The following STK32B variants were observed in gnomAD, a reference collection of about 807,000 sequenced individuals.
STK32B encodes serine/threonine kinase 32B.
STK32B carries 43 observed loss-of-function variants against 52.6 expected under a neutral mutation model. That is an observed-to-expected ratio of 0.82 (90% CI 0.64 to 1.05). The LOEUF (loss-of-function observed/expected upper bound fraction) is 1.05, where lower values mean the gene tolerates loss of function less well. Among genes scored for constraint, STK32B ranks in the 50% least tolerant of loss-of-function variants. The pLI is 0.00. For synonymous variants in STK32B, 238 were observed against 204.3 expected, an observed-to-expected ratio of 1.17 and a Z score of -1.41; for missense variants, 621 against 534.6, an observed-to-expected ratio of 1.16 and a Z score of -1.59.
intron 1 of STK32B, among the ~76,000 whole-genome samples, chr4:5,116,211 A>G (rs1246649307): frequency 5.3e-5 from 8 of 149,994 alleles, no homozygotes; most frequent in Admixed American, 2.6e-4. Flanking sequence ...CGCACACGGG[A>G]TATTTTCCTA....
chr4:5,334,571 G>A (rs1156298916), intron 4 of STK32B, among the ~76,000 whole-genome samples: 1 of 152,160 alleles, frequency 6.6e-6, no homozygotes, highest in East Asian at 1.9e-4. Flanking sequence ...CAAAGGGAAT[G>A]CTTCCAGTTT....
rs140178739 is a variant in STK32B, at chr4:5,428,173, C to T, written c.562+11239C>T. ...CTGTAATCCCAGCAGTTTGGGAGGC[C>T]GACGCGGGCGGATCACAAGGTCAGG... On this transcript the variant is annotated intron_variant, in intron 6 of 11. Coordinates refer to ENST00000282908, the MANE Select transcript of STK32B (RefSeq NM_018401.3). Among the ~76,000 whole-genome samples the T allele has an allele frequency of 3.7e-3, 566 of 151,992 alleles. 1 individual carries two copies. Among genetic ancestry groups the T allele is most frequent in the African/African-American group, 0.013 (525 of 41,440 alleles).
chr4:5,136,686 C>T (rs1484452968), intron 1 of STK32B, among the ~76,000 whole-genome samples: 2 of 152,316 alleles, frequency 1.3e-5, no homozygotes, highest in African/African-American at 2.4e-5. Context: ...AACAACCTCA[C>T]GTGACAGTAT....
intron 3 of STK32B, among the ~76,000 whole-genome samples, chr4:5,307,713 C>G (rs1194438463): frequency 1.3e-5 from 2 of 151,928 alleles, no homozygotes; most frequent in African/African-American, 4.8e-5. Context: ...GTCATATTAC[C>G]AGAATTACCA....
rs1240518006 is a variant in STK32B at position 5,146,254 on chromosome 4, A to AG, written c.108+6295dup. ...CCGTCTGAAAGTTAAGGAGCAAGGA[A>AG]GACAGTAGTGGCTCAGTTCGAGTCC... On this transcript the variant is annotated intron_variant, in intron 2 of 11. Transcript: ENST00000282908. Among the ~76,000 whole-genome samples the AG allele has an allele frequency of 2.6e-5, 4 of 152,254 alleles. No individual in the cohort carries two copies. In the South Asian group the frequency reaches 8.3e-4, roughly 32 times the overall value.
upstream of STK32B, among the ~76,000 whole-genome samples, chr4:5,050,673 C>T (rs1374640772): frequency 1.3e-5 from 2 of 152,208 alleles, no homozygotes; most frequent in African/African-American, 4.8e-5. Flanking sequence ...GCCCGCAGGA[C>T]TGCAAGGCAG....
chr4:5,216,785 A>G (rs1339405811), intron 3 of STK32B, among the ~76,000 whole-genome samples: 1 of 152,098 alleles, frequency 6.6e-6, no homozygotes, highest in Non-Finnish European at 1.5e-5. Flanking sequence ...AAGCCATTAA[A>G]ACCCCACCAG....
chr4:5,074,162 G>A (rs922534994), intron 1 of STK32B, among the ~76,000 whole-genome samples: 19 of 148,844 alleles, frequency 1.3e-4, no homozygotes, highest in Non-Finnish European at 1.5e-5. Context: ...GACTACCGGA[G>A]ATTCTGTTCA....
At chr4:5,245,041 G>A (rs1054979231) in intron 3 of STK32B, among the ~76,000 whole-genome samples, 134 of 152,226 alleles carry the variant, frequency 8.8e-4, no homozygotes, top group Non-Finnish European at 1.7e-3. Context: ...AAAAGAATGT[G>A]TATTCTGTTG....
At chr4:5,111,536 T>A (rs1714405740) in intron 1 of STK32B, among the ~76,000 whole-genome samples, 1 of 152,106 alleles carries the variant, frequency 6.6e-6, no homozygotes, top group Non-Finnish European at 1.5e-5. Context: ...TATTACATGT[T>A]CTCACTTATA....
chr4:5,112,670 AC>A (rs1714467305), intron 1 of STK32B, among the ~76,000 whole-genome samples: 2 of 152,136 alleles, frequency 1.3e-5, no homozygotes, highest in South Asian at 4.1e-4. Flanking sequence ...ATATCTGGGC[AC>A]CCCATGTCGC....
rs1054842937 is a variant in STK32B at position 5,380,020 on chromosome 4, G to T, written c.435-18187G>T. 6.6e-6 allele frequency among the ~76,000 whole-genome samples: 1 copy of T among 152,140 alleles called. No homozygotes were observed. The highest frequency in any genetic ancestry group is 2.4e-5 in the African/African-American group (1 of 41,430). ...CAGGGCTGCAGCTGTAGCTACCACCGTCAGAGACAGGCCCTGAGGAAAACC... is the reference window on the plus strand; with the variant it reads ...CAGGGCTGCAGCTGTAGCTACCACCTTCAGAGACAGGCCCTGAGGAAAACC... On this transcript the variant is annotated intron_variant, in intron 4 of 11. Transcript: ENST00000282908. The surrounding 1 kb of genome is among the most constrained non-coding windows in gnomAD (Gnocchi z 4.3).
chr4:5,246,117 C>T (rs1725433219), intron 3 of STK32B, among the ~76,000 whole-genome samples: 1 of 152,136 alleles, frequency 6.6e-6, no homozygotes, highest in Admixed American at 6.5e-5. Context: ...TGAATGTTGG[C>T]CTGCCTTGCT....
intron 1 of STK32B, among the ~76,000 whole-genome samples, chr4:5,138,300 A>G (rs1398004741): frequency 6.6e-6 from 1 of 152,224 alleles, no homozygotes; most frequent in Non-Finnish European, 1.5e-5. Flanking sequence ...CCTCCATTGC[A>G]TAAGTTTAAT....
intron 3 of STK32B, among the ~76,000 whole-genome samples, chr4:5,298,391 C>T (rs1467426076): frequency 6.6e-6 from 1 of 152,140 alleles, no homozygotes; most frequent in Non-Finnish European, 1.5e-5. Flanking sequence ...CCATAGCCAC[C>T]CCTTCCCCCT....
At chr4:5,123,822 A>G (rs529167295) in intron 1 of STK32B, among the ~76,000 whole-genome samples, 8 of 147,560 alleles carry the variant, frequency 5.4e-5, no homozygotes, top group African/African-American at 1.7e-4. Context: ...GGGGGATACA[A>G]TTTGATCCAT....
chr4:5,262,833 G>A (rs374115588), intron 3 of STK32B, among the ~76,000 whole-genome samples: 1 of 152,114 alleles, frequency 6.6e-6, no homozygotes, highest in African/African-American at 2.4e-5. Flanking sequence ...ATTGTTGGTT[G>A]ATGTTCATTT....
intron 2 of STK32B, among the ~76,000 whole-genome samples, chr4:5,143,108 T>TGTC (rs1491147850): frequency 7.1e-6 from 1 of 141,450 alleles, no homozygotes; most frequent in Non-Finnish European, 1.5e-5. Context: ...TGTCTCTGTC[T>TGTC]GTCTGTCTGT....
At chr4:5,043,632 C>T in the STK32B span, among the ~76,000 whole-genome samples, 1 of 152,250 alleles carries the variant, frequency 6.6e-6, no homozygotes, top group Non-Finnish European at 1.5e-5. Context: ...TGTCCCAGAC[C>T]ATGGCTACTT....
Sources: allele counts gnomAD v4.1 joint callset (sites outside exome capture counted in the v4.1 genomes callset), GRCh38; gene constraint gnomAD v4.1.1; non-coding constraint Gnocchi (gnomAD v3.1); transcripts MANE v1.5; gene names NCBI Gene and HGNC (gene_info 2026-07-23, HGNC 2026-07-21).